MSRA: variants seen among roughly 807,000 people sequenced by gnomAD.
MSRA encodes mitochondrial peptide methionine sulfoxide reductase.
In MSRA, 54 loss-of-function variants were observed where a neutral mutation model predicts 31.3. The observed-to-expected ratio is 1.73, with a 90% confidence interval of 1.39 to 2.17. The LOEUF is 2.17. MSRA is among the 30% of genes most tolerant of loss of function. MSRA has a pLI of 0.00. For missense variants in MSRA, 507 were observed against 300.9 expected, an observed-to-expected ratio of 1.69 and a Z score of -5.07; for synonymous variants, 169 against 116.5, an observed-to-expected ratio of 1.45 and a Z score of -2.90.
Position 10,054,676 on chromosome 8 carries a change from G to C in MSRA, c.142+18G>C, listed in dbSNP as rs771459961. On this transcript the variant is annotated intron_variant, in intron 1 of 5. Transcript: ENST00000317173. ...TGTAGCGGGTAAGCACTGGCCACACGGAAGGCGCGGGCGGCGACGCTGCGC... is the reference window on the plus strand; with the variant it reads ...TGTAGCGGGTAAGCACTGGCCACACCGAAGGCGCGGGCGGCGACGCTGCGC... 3.3e-5 allele frequency: 49 copies of C among 1,495,886 alleles called. No homozygotes were observed. Among genetic ancestry groups the C allele is most frequent in the Non-Finnish European group, 4.3e-5 (48 of 1,115,656 alleles). 92.7% of individuals were successfully genotyped at this position (1,495,886 alleles called of 1,614,324 possible).
chr8:10,277,765 C>G (rs1335944406), intron 3 of MSRA, among the ~76,000 whole-genome samples: 2 of 152,042 alleles, frequency 1.3e-5, no homozygotes. Context: ...TTTTTGTATT[C>G]AGATCTCTTT....
intron 5 of MSRA, among the ~76,000 whole-genome samples, chr8:10,383,965 GT>G (rs1397578092): frequency 3.3e-5 from 5 of 152,166 alleles, no homozygotes; most frequent in African/African-American, 1.2e-4. Flanking sequence ...GGCTCAGAGG[GT>G]GAGGGCTGCA....
chr8:10,116,858 T>C (rs371407739), intron 1 of MSRA, among the ~76,000 whole-genome samples: 3 of 152,202 alleles, frequency 2.0e-5, no homozygotes, highest in Admixed American at 1.3e-4. Context: ...TCCCAGCTAC[T>C]TGGGAGGCGA....
At chr8:10,278,403 G>A (rs547611216) in intron 3 of MSRA, among the ~76,000 whole-genome samples, 4 of 152,354 alleles carry the variant, frequency 2.6e-5, no homozygotes, top group South Asian at 2.1e-4. Flanking sequence ...TTGACTTCTT[G>A]TTCATGTAAC....
At chr8:10,157,140 C>A (rs1198815410) in intron 1 of MSRA, among the ~76,000 whole-genome samples, 1 of 152,070 alleles carries the variant, frequency 6.6e-6, no homozygotes, top group Non-Finnish European at 1.5e-5. Context: ...CCTCCAGTAT[C>A]ATGCTACCTG....
chr8:10,079,562 C>T (rs547602879), intron 1 of MSRA, among the ~76,000 whole-genome samples: 1 of 152,168 alleles, frequency 6.6e-6, no homozygotes, highest in Non-Finnish European at 1.5e-5. Context: ...GAATAGCTCC[C>T]TTATTAAAAC....
Position 10,319,962 on chromosome 8 carries a change from C to T in MSRA, c.516C>T (p.Ala172=). 6.2e-7 allele frequency: 1 copy of T among 1,601,080 alleles called. No homozygotes were observed. The highest frequency in any genetic ancestry group is 1.1e-5 in the South Asian group (1 of 87,318). Residue 172 remains alanine (A), a synonymous_variant, in exon 5 of 6, where the codon GCC becomes GCT. Coordinates refer to ENST00000317173, the MANE Select transcript of MSRA (RefSeq NM_012331.5). ...YPTSAKQMEA[A]LSSKENYQKV... ...CCTCTGCCAAGCAAATGGAGGCAGC[C>T]CTGAGCTCCAAAGAGAACTACCAAA...
At chr8:10,316,079 A>C (rs1032088642) in intron 4 of MSRA, among the ~76,000 whole-genome samples, 1 of 152,220 alleles carries the variant, frequency 6.6e-6, no homozygotes, top group African/African-American at 2.4e-5. Flanking sequence ...CCTCTGTTAA[A>C]AAGCAACACT....
At chr8:10,060,389 C>T (rs535551807) in intron 1 of MSRA, among the ~76,000 whole-genome samples, 2 of 152,288 alleles carry the variant, frequency 1.3e-5, no homozygotes, top group African/African-American at 4.8e-5. Flanking sequence ...GCTAACTTTT[C>T]TGTGAACAGA....
chr8:10,187,518 A>G (rs1807153924), intron 1 of MSRA, among the ~76,000 whole-genome samples: 1 of 152,138 alleles, frequency 6.6e-6, no homozygotes, highest in African/African-American at 2.4e-5. Flanking sequence ...ACCCTTTCAA[A>G]AATCGTTCCA....
intron 1 of MSRA, among the ~76,000 whole-genome samples, chr8:10,101,125 G>A (rs1321384461): frequency 1.3e-5 from 2 of 152,130 alleles, no homozygotes; most frequent in Non-Finnish European, 2.9e-5. Context: ...ATGTTCCTCA[G>A]CATCTCCCCA....
intron 1 of MSRA, among the ~76,000 whole-genome samples, chr8:10,189,780 C>G (rs1452469172): frequency 6.6e-6 from 1 of 152,064 alleles, no homozygotes; most frequent in Non-Finnish European, 1.5e-5. Flanking sequence ...GGGGATCTGT[C>G]TCTAGTTTTC....
At chr8:10,157,303 G>C (rs1315411125) in intron 1 of MSRA, among the ~76,000 whole-genome samples, 1 of 152,158 alleles carries the variant, frequency 6.6e-6, no homozygotes, top group African/African-American at 2.4e-5. Flanking sequence ...CTTGTACTGA[G>C]ATTCAGGAAC....
chr8:10,102,513 A>G (rs1799599194), intron 1 of MSRA, among the ~76,000 whole-genome samples: 1 of 152,140 alleles, frequency 6.6e-6, no homozygotes, highest in Non-Finnish European at 1.5e-5. Flanking sequence ...GCCCATTTTT[A>G]GTTGTTTGTG....
intron 1 of MSRA, among the ~76,000 whole-genome samples, chr8:10,177,849 T>C (rs924261320): frequency 2.0e-5 from 3 of 152,208 alleles, no homozygotes; most frequent in African/African-American, 4.8e-5. Flanking sequence ...TTTGTTTCAA[T>C]TGAATTTGTC....
chr8:10,415,040 G>T (rs1808372879), intron 5 of MSRA, among the ~76,000 whole-genome samples: 1 of 152,200 alleles, frequency 6.6e-6, no homozygotes, highest in African/African-American at 2.4e-5. Context: ...AGAGGAAGCA[G>T]CAGTCCTTGA....
At chr8:10,418,434 C>T (rs1029111994) in intron 5 of MSRA, among the ~76,000 whole-genome samples, 8 of 152,212 alleles carry the variant, frequency 5.3e-5, no homozygotes, top group Admixed American at 1.3e-4. Context: ...CTGTGCCTGG[C>T]GACTGCTGGG....
intron 5 of MSRA, among the ~76,000 whole-genome samples, chr8:10,410,821 A>G (rs1051507772): frequency 2.6e-4 from 40 of 152,332 alleles, no homozygotes; most frequent in African/African-American, 8.7e-4. Flanking sequence ...ACTGGAAAGC[A>G]TGCCAATTAT....
chr8:10,171,696 A>G (rs1233600520), intron 1 of MSRA, among the ~76,000 whole-genome samples: 3 of 152,264 alleles, frequency 2.0e-5, no homozygotes, highest in East Asian at 1.9e-4. Context: ...AAGCTAAATC[A>G]TCAACTCAAC....
Sources: gnomAD v4.1 joint callset for allele counts (sites outside exome capture counted in the v4.1 genomes callset) on GRCh38, gnomAD v4.1.1 for gene constraint, MANE v1.5 for transcripts, NCBI Gene and HGNC (gene_info 2026-07-23, HGNC 2026-07-21) for gene names.